Variants in HSD17B4 observed in about 807,000 individuals in gnomAD.
The protein encoded by HSD17B4 is hydroxysteroid 17-beta dehydrogenase 4.
Under a neutral mutation model 101.0 loss-of-function variants are expected in HSD17B4, and 70 were observed. That is an observed-to-expected ratio of 0.69 (90% CI 0.57 to 0.85). The LOEUF is 0.85. Among genes scored for constraint, HSD17B4 ranks in the 40% least tolerant of loss-of-function variants. The pLI is 0.00. For missense variants in HSD17B4, 984 were observed against 892.4 expected, an observed-to-expected ratio of 1.10 and a Z score of -1.31; for synonymous variants, 347 against 297.1, an observed-to-expected ratio of 1.17 and a Z score of -1.73.
chr5:119,476,022 A>G, intron 6 of HSD17B4, 152 bp downstream of exon 6: 2 of 654,034 alleles, frequency 3.1e-6, no homozygotes, highest in South Asian at 3.5e-5. Flanking sequence ...AAGACAATGA[A>G]TAGTTAGAAG....
rs1200907046 is a variant in HSD17B4, at chr5:119,539,252, A to C, written c.2122-2653A>C. On this transcript the variant is annotated intron_variant, in intron 23 of 23. Transcript: ENST00000510025. ...ACATACACACCATAGAATACTATGC[A>C]GCCATAGAAATGGATGAGTTCATGT... Among the ~76,000 whole-genome samples the C allele has an allele frequency of 2.0e-5, 3 of 152,210 alleles. No homozygotes were observed. In the East Asian group the frequency reaches 5.8e-4, roughly 29 times the overall value.
chr5:119,455,552 C>T (rs1754534651), intron 1 of HSD17B4, among the ~76,000 whole-genome samples: 1 of 126,558 alleles, frequency 7.9e-6, no homozygotes, highest in Admixed American at 8.3e-5. Context: ...TTCTCTCTCT[C>T]TCTCTCTCTC....
intron 17 of HSD17B4, among the ~76,000 whole-genome samples, chr5:119,518,825 G>A (rs1295052195): frequency 6.6e-6 from 1 of 152,124 alleles, no homozygotes; most frequent in Non-Finnish European, 1.5e-5. Flanking sequence ...CTTCAGGAGA[G>A]TTTCTTCATC....
rs140091291 is a variant in HSD17B4 at position 119,506,035 on chromosome 5, A to G, written c.1262-783A>G. 3.8e-3 allele frequency among the ~76,000 whole-genome samples: 579 copies of G among 152,224 alleles called. 1 individual carries two copies. Among genetic ancestry groups the G allele is most frequent in the African/African-American group, 0.013 (559 of 41,542 alleles). ...GAACATTATTATTATTTTTTATTAT[A>G]CTTTAAGTTCTGGGGTACATGTGCA... On this transcript the variant is annotated intron_variant, in intron 14 of 23. Transcript: ENST00000510025.
chr5:119,495,038 G>GT (rs146081719), intron 11 of HSD17B4, among the ~76,000 whole-genome samples: 15,397 of 145,220 alleles, frequency 0.11, 1,056 homozygotes, highest in African/African-American at 0.22. Context: ...ATGACTATTC[G>GT]GTTTTTTTTT....
chr5:119,498,111 A>G (rs932686831), intron 12 of HSD17B4, among the ~76,000 whole-genome samples: 1 of 152,232 alleles, frequency 6.6e-6, no homozygotes, highest in Non-Finnish European at 1.5e-5. Context: ...TCTTTCTTAA[A>G]AAAACTGTAC....
intron 2 of HSD17B4, among the ~76,000 whole-genome samples, chr5:119,467,410 G>A (rs2126656809): frequency 6.6e-6 from 1 of 152,292 alleles, no homozygotes; most frequent in East Asian, 1.9e-4. Context: ...AACTATTATT[G>A]TGTTGAAGTC....
chr5:119,459,778 C>G (rs894346455), intron 2 of HSD17B4, among the ~76,000 whole-genome samples: 2 of 152,012 alleles, frequency 1.3e-5, no homozygotes, highest in Admixed American at 6.5e-5. Context: ...CCTGTTAATT[C>G]ATTACCCGAT....
intron 17 of HSD17B4, 96 bp downstream of exon 17, chr5:119,515,142 A>C (rs554673414): frequency 2.6e-6 from 2 of 763,906 alleles, no homozygotes; most frequent in Admixed American, 3.5e-5. Flanking sequence ...CATCTAATGC[A>C]TAATGAATAA....
chr5:119,503,150 G>A (rs1466302795), intron 14 of HSD17B4, among the ~76,000 whole-genome samples: 2 of 151,418 alleles, frequency 1.3e-5, no homozygotes, highest in African/African-American at 2.4e-5. Context: ...GGGTGGTGGT[G>A]TTGGTGACAG....
At chr5:119,541,871 C>A (rs28943593) in intron 23 of HSD17B4, 34 bp from the exon 24 acceptor site, 4 of 1,156,974 alleles carry the variant, frequency 3.5e-6, no homozygotes, top group Non-Finnish European at 5.2e-6. Context: ...AACATGGTAA[C>A]AGTTGGCACT....
intron 21 of HSD17B4, 160 bp downstream of exon 21, chr5:119,530,140 G>C: frequency 1.6e-6 from 1 of 635,898 alleles, no homozygotes. Context: ...TGGAATAGAA[G>C]GAATACTCTG....
intron 2 of HSD17B4, among the ~76,000 whole-genome samples, chr5:119,459,975 A>G (rs1293259676): frequency 1.3e-5 from 2 of 149,664 alleles, no homozygotes; most frequent in South Asian, 2.1e-4. Flanking sequence ...GGTTCACGCC[A>G]TTCTCCTGCC....
chr5:119,516,169 T>C (rs1752597966), intron 17 of HSD17B4, among the ~76,000 whole-genome samples: 1 of 152,196 alleles, frequency 6.6e-6, no homozygotes, highest in Admixed American at 6.5e-5. Flanking sequence ...GGAGGGAACA[T>C]TGTTTTATTC....
chr5:119,522,349 G>T (rs542448429), intron 17 of HSD17B4, among the ~76,000 whole-genome samples: 13 of 152,184 alleles, frequency 8.5e-5, no homozygotes, highest in African/African-American at 3.1e-4. Flanking sequence ...TGGACATTTG[G>T]GTTGGTTCCA....
chr5:119,487,727 C>T (rs1049365377), intron 8 of HSD17B4, among the ~76,000 whole-genome samples: 4 of 152,056 alleles, frequency 2.6e-5, no homozygotes, highest in East Asian at 1.9e-4. Flanking sequence ...TTGAAGTTAG[C>T]CAACTCAAAT....
intron 9 of HSD17B4, among the ~76,000 whole-genome samples, chr5:119,489,889 A>T (rs964959104): frequency 5.3e-5 from 8 of 152,140 alleles, no homozygotes; most frequent in African/African-American, 1.9e-4. Flanking sequence ...TCCACACATA[A>T]TCCCATCATG....
intron 8 of HSD17B4, 116 bp downstream of exon 8, chr5:119,479,137 G>A (rs978420064): frequency 6.9e-5 from 55 of 797,460 alleles, no homozygotes; most frequent in East Asian, 6.3e-4. Flanking sequence ...TTTCAATTTC[G>A]AAAGCATTAT....
chr5:119,507,503 G>T (rs113182530), intron 15 of HSD17B4, among the ~76,000 whole-genome samples: 1 of 152,082 alleles, frequency 6.6e-6, no homozygotes, highest in African/African-American at 2.4e-5. Context: ...TAAATTTTAC[G>T]CTGGGTGCGG....
Sources: allele counts gnomAD v4.1 joint callset (sites outside exome capture counted in the v4.1 genomes callset), GRCh38; gene constraint gnomAD v4.1.1; transcripts MANE v1.5; gene names NCBI Gene and HGNC (gene_info 2026-07-23, HGNC 2026-07-21).